SMAP1: variants seen among roughly 807,000 people sequenced by gnomAD.
SMAP1 encodes the protein small ArfGAP 1, also known as stromal membrane-associated protein 1.
In SMAP1, 24 loss-of-function variants were observed where a neutral mutation model predicts 58.5. That is an observed-to-expected ratio of 0.41 (90% CI 0.30 to 0.58). The LOEUF is 0.58. Among genes scored for constraint, SMAP1 ranks in the 20% least tolerant of loss-of-function variants. The pLI, the probability that SMAP1 is intolerant of heterozygous loss-of-function variation, is 0.29. For missense variants in SMAP1, 563 were observed against 566.3 expected (o/e 0.99, Z 0.06); for synonymous variants, 216 against 196.6 (o/e 1.10, Z -0.82).
intron 4 of SMAP1, among the ~76,000 whole-genome samples, chr6:70,779,473 A>T (rs1767674608): frequency 6.6e-6 from 1 of 152,074 alleles, no homozygotes. Context: ...GCAGCTCCTT[A>T]TACTAGACTC....
chr6:70,803,315 A>C (rs557538390), intron 6 of SMAP1, among the ~76,000 whole-genome samples: 1 of 152,172 alleles, frequency 6.6e-6, no homozygotes, highest in Admixed American at 6.5e-5. Flanking sequence ...CTCTGATGGT[A>C]GTTTGTATTT....
At chr6:70,728,851 T>G (rs1765293968) in intron 1 of SMAP1, among the ~76,000 whole-genome samples, 1 of 152,206 alleles carries the variant, frequency 6.6e-6, no homozygotes, top group Non-Finnish European at 1.5e-5. Flanking sequence ...CTTCTTCTGA[T>G]AATGAATTCA....
At chr6:70,700,499 T>C (rs1311601543) in intron 1 of SMAP1, among the ~76,000 whole-genome samples, 2 of 152,176 alleles carry the variant, frequency 1.3e-5, no homozygotes, top group Non-Finnish European at 1.5e-5. Flanking sequence ...AGTTTCACCA[T>C]GTTGGCCAGA....
intron 4 of SMAP1, among the ~76,000 whole-genome samples, chr6:70,777,579 G>A (rs1216417818): frequency 2.0e-5 from 3 of 151,936 alleles, no homozygotes; most frequent in African/African-American, 7.2e-5. Context: ...TCTGTTAATT[G>A]TCTCCTTTGC....
At chr6:70,838,695 G>A (rs1281048231) in intron 7 of SMAP1, among the ~76,000 whole-genome samples, 2 of 151,878 alleles carry the variant, frequency 1.3e-5, no homozygotes, top group Non-Finnish European at 2.9e-5. Flanking sequence ...TGGCTAAAGT[G>A]GAATGATCTA....
At position 70,847,478 on chromosome 6, in the gene SMAP1, A is replaced by G. The variant is rs551878892; in HGVS notation, c.665-5062A>G. ...AGACACTAGCCTAACATCTTAAGGT[A>G]ATGAAGAAAGAAAATACTTACCACA... On this transcript the variant is annotated intron_variant, in intron 7 of 10. Transcript: ENST00000370455. Among the ~76,000 whole-genome samples the G allele has an allele frequency of 6.6e-5, 10 of 152,352 alleles. No homozygotes were observed. In the South Asian group the frequency reaches 2.1e-3, roughly 32 times the overall value.
chr6:70,742,145 T>C (rs1465169216), intron 2 of SMAP1, among the ~76,000 whole-genome samples: 1 of 152,254 alleles, frequency 6.6e-6, no homozygotes, highest in Admixed American at 6.5e-5. Context: ...AACATTTGAC[T>C]CCTCATTACT....
intron 2 of SMAP1, among the ~76,000 whole-genome samples, chr6:70,749,043 A>G (rs1032781253): frequency 1.3e-5 from 2 of 152,194 alleles, no homozygotes; most frequent in Admixed American, 1.3e-4. Flanking sequence ...CTATAAAAAT[A>G]CCACCTGAGA....
intron 1 of SMAP1, among the ~76,000 whole-genome samples, chr6:70,675,231 G>A (rs7356950): frequency 4.1e-5 from 5 of 123,134 alleles, no homozygotes; most frequent in African/African-American, 1.6e-4. Flanking sequence ...TTTTACCAGA[G>A]ATGATGTACT....
chr6:70,768,867 T>A (rs1767131980), intron 3 of SMAP1, among the ~76,000 whole-genome samples: 2 of 152,228 alleles, frequency 1.3e-5, no homozygotes, highest in Non-Finnish European at 2.9e-5. Flanking sequence ...GGATCTTTCC[T>A]GCTTTCTCTT....
intron 6 of SMAP1, among the ~76,000 whole-genome samples, chr6:70,820,940 A>G (rs1053938609): frequency 1.3e-5 from 2 of 152,164 alleles, no homozygotes; most frequent in Admixed American, 1.3e-4. Context: ...AAACAGTAAC[A>G]GTGGTTCAAG....
chr6:70,810,630 G>T (rs1037635027), intron 6 of SMAP1, among the ~76,000 whole-genome samples: 2 of 152,046 alleles, frequency 1.3e-5, no homozygotes, highest in South Asian at 2.1e-4. Context: ...AGGCTGGAGG[G>T]CAGTGGTGTG....
intron 1 of SMAP1, among the ~76,000 whole-genome samples, chr6:70,712,825 A>T: frequency 7.8e-6 from 1 of 128,564 alleles, no homozygotes. Context: ...ACAGAATCTC[A>T]CTCTGTCACC....
Position 70,785,528 on chromosome 6 carries a change from G to A in SMAP1, c.415-6161G>A, listed in dbSNP as rs974335675. Among the ~76,000 whole-genome samples, 10 of 152,046 alleles carry A rather than the reference G, an allele frequency of 6.6e-5. No individual in the cohort carries two copies. The South Asian group carries it at 1.5e-3, about 22-fold the overall frequency. Reference sequence around the variant, plus strand: ...GAATCCAGGAGCTGGTTTTTTGAAAGGATCAACAAAATTGATAGACCGCTA... The same window carrying A: ...GAATCCAGGAGCTGGTTTTTTGAAAAGATCAACAAAATTGATAGACCGCTA... On this transcript the variant is annotated intron_variant, in intron 4 of 10. Coordinates refer to ENST00000370455, the MANE Select transcript of SMAP1 (RefSeq NM_001044305.3).
chr6:70,727,447 G>A (rs781409300), intron 1 of SMAP1, among the ~76,000 whole-genome samples: 1 of 152,072 alleles, frequency 6.6e-6, no homozygotes, highest in Non-Finnish European at 1.5e-5. Flanking sequence ...TCTCTACAAA[G>A]CCTCCATTAA....
At chr6:70,769,443 G>A (rs949260096) in intron 3 of SMAP1, among the ~76,000 whole-genome samples, 5 of 152,204 alleles carry the variant, frequency 3.3e-5, no homozygotes, top group Non-Finnish European at 7.4e-5. Context: ...CTCCTGTATT[G>A]GGTGCATATA....
At chr6:70,826,457 C>T (rs1190944563) in intron 6 of SMAP1, among the ~76,000 whole-genome samples, 1 of 151,968 alleles carries the variant, frequency 6.6e-6, no homozygotes, top group Non-Finnish European at 1.5e-5. Flanking sequence ...TGGTTGCCTG[C>T]CATGGATTCT....
rs1448029495 is a variant in SMAP1, at chr6:70,861,609, C to T, written c.*1275C>T. 1.3e-6 allele frequency: 2 copies of T among 1,518,658 alleles called. No individual in the cohort carries two copies. Among genetic ancestry groups the T allele is most frequent in the African/African-American group, 1.4e-5 (1 of 72,938 alleles). 94.1% of individuals were successfully genotyped at this position (1,518,658 alleles called of 1,614,324 possible). A position where few individuals can be genotyped will look rare whatever the true frequency, so the allele number is the denominator to read the frequency against. On this transcript the variant is annotated 3_prime_UTR_variant, in exon 11 of 11. Transcript: ENST00000370455. The stretch of plus-strand genomic sequence containing the variant: ...GCTCTGTAGCCTAAACTCCAAACAT[C>T]CTCTTCCATATGGATCCACTGGCTG...
chr6:70,789,819 A>G (rs1008607690), intron 4 of SMAP1, among the ~76,000 whole-genome samples: 1 of 151,404 alleles, frequency 6.6e-6, no homozygotes, highest in African/African-American at 2.4e-5. Context: ...TGATCTTCAC[A>G]CTGTATTCCA....
Sources: gnomAD v4.1 joint callset for allele counts (sites outside exome capture counted in the v4.1 genomes callset) on GRCh38, gnomAD v4.1.1 for gene constraint, MANE v1.5 for transcripts, NCBI Gene and HGNC (gene_info 2026-07-23, HGNC 2026-07-21) for gene names.